The following SGK1 variants were observed in gnomAD, a reference collection of about 807,000 sequenced individuals.
SGK1 encodes serum/glucocorticoid regulated kinase 1.
A neutral mutation model predicts 64.2 loss-of-function variants in SGK1; 26 were observed. The observed-to-expected ratio is 0.40, with a 90% CI of 0.30 to 0.56. The LOEUF is 0.56. Ranked by LOEUF, SGK1 falls within the 20% of genes least tolerant of loss-of-function variation. The pLI is 0.38. For missense variants in SGK1, 519 were observed against 645.6 expected (o/e 0.80, Z 2.12); for synonymous variants, 265 against 239.7 (o/e 1.11, Z -0.98).
At chr6:134,185,442 T>C (rs1413842979) in intron 3 of SGK1, among the ~76,000 whole-genome samples, 2 of 152,132 alleles carry the variant, frequency 1.3e-5, no homozygotes, top group African/African-American at 4.8e-5. Context: ...TTTAAAGCCA[T>C]AGCAGAATGG....
chr6:134,208,716 T>C (rs1775832110), intron 2 of SGK1, among the ~76,000 whole-genome samples: 2 of 152,024 alleles, frequency 1.3e-5, no homozygotes, highest in South Asian at 4.1e-4. Flanking sequence ...TATTTTGTTC[T>C]TTTTTGGCTG....
At chr6:134,228,578 T>C (rs72972283) in intron 2 of SGK1, among the ~76,000 whole-genome samples, 5,768 of 152,292 alleles carry the variant, frequency 0.038, 139 homozygotes, top group African/African-American at 0.056. Context: ...AAGCCAATTT[T>C]TTGTGCCTTA....
At chr6:134,310,456 C>T (rs1777593106) in intron 1 of SGK1, among the ~76,000 whole-genome samples, 1 of 152,162 alleles carries the variant, frequency 6.6e-6, no homozygotes, top group Non-Finnish European at 1.5e-5. Flanking sequence ...GTCAAAGTGC[C>T]AAAGGCATCC....
chr6:134,213,859 A>G (rs966904008), intron 2 of SGK1, among the ~76,000 whole-genome samples: 1 of 152,076 alleles, frequency 6.6e-6, no homozygotes, highest in African/African-American at 2.4e-5. Flanking sequence ...ACGTGATATA[A>G]TAAGAACAGC....
intron 2 of SGK1, among the ~76,000 whole-genome samples, chr6:134,244,948 G>T (rs1373206956): frequency 6.6e-6 from 1 of 152,112 alleles, no homozygotes; most frequent in East Asian, 1.9e-4. Flanking sequence ...GCTAATTTTT[G>T]TATTTTTAGT....
At chr6:134,223,144 G>A (rs574218603) in intron 2 of SGK1, among the ~76,000 whole-genome samples, 191 of 152,118 alleles carry the variant, frequency 1.3e-3, no homozygotes, top group Non-Finnish European at 2.2e-3. Flanking sequence ...TGAGGTGGGC[G>A]GATCACCTGA....
At chr6:134,229,373 T>A (rs1776242002) in intron 2 of SGK1, among the ~76,000 whole-genome samples, 1 of 152,228 alleles carries the variant, frequency 6.6e-6, no homozygotes, top group Non-Finnish European at 1.5e-5. Flanking sequence ...AGAATAAGCC[T>A]GTAGCACCCA....
chr6:134,207,729 G>T (rs1196065425), intron 2 of SGK1, among the ~76,000 whole-genome samples: 1 of 152,198 alleles, frequency 6.6e-6, no homozygotes, highest in Non-Finnish European at 1.5e-5. Flanking sequence ...CCAGTGCTAT[G>T]TGCAGTGCAC....
chr6:134,219,820 G>A (rs1185123868), intron 2 of SGK1, among the ~76,000 whole-genome samples: 2 of 149,934 alleles, frequency 1.3e-5, no homozygotes, highest in African/African-American at 2.4e-5. Flanking sequence ...AGCACTTTGG[G>A]AGGCCGAGGC....
At chr6:134,307,678 T>A (rs1256269420) in intron 1 of SGK1, among the ~76,000 whole-genome samples, 2 of 152,252 alleles carry the variant, frequency 1.3e-5, no homozygotes, top group Non-Finnish European at 2.9e-5. Flanking sequence ...GGTATGTACG[T>A]GTTCAGTACA....
At chr6:134,265,920 G>T (rs866562267) in intron 1 of SGK1, among the ~76,000 whole-genome samples, 4 of 151,642 alleles carry the variant, frequency 2.6e-5, no homozygotes, top group Non-Finnish European at 5.9e-5. Flanking sequence ...TGGGATTACA[G>T]GCGTGAGCTA....
chr6:134,283,947 C>T (rs2114773286), intron 1 of SGK1, among the ~76,000 whole-genome samples: 1 of 130,208 alleles, frequency 7.7e-6, no homozygotes, highest in East Asian at 2.5e-4. Context: ...CAAAATAATG[C>T]ATTTTGGGTT....
intron 3 of SGK1, among the ~76,000 whole-genome samples, chr6:134,185,965 CCT>C (rs1230093945): frequency 6.6e-6 from 1 of 152,134 alleles, no homozygotes; most frequent in Non-Finnish European, 1.5e-5. Flanking sequence ...CCCACACCCC[CCT>C]GTCCCCGCAT....
At chr6:134,312,394 G>C (rs1304424352) in intron 1 of SGK1, among the ~76,000 whole-genome samples, 1 of 152,176 alleles carries the variant, frequency 6.6e-6, no homozygotes, top group Non-Finnish European at 1.5e-5. Context: ...AAGGGATGCT[G>C]TTTATGAAAT....
At chr6:134,241,588 A>G (rs1178935578) in intron 2 of SGK1, among the ~76,000 whole-genome samples, 2 of 151,834 alleles carry the variant, frequency 1.3e-5, no homozygotes, top group Non-Finnish European at 2.9e-5. Context: ...GTCTTCCTAG[A>G]TTGAAATCAC....
Position 134,170,467 on chromosome 6 carries a change from A to G in SGK1, c.1414-32T>C, listed in dbSNP as rs1774979330. On this transcript the variant is annotated intron_variant, in intron 13 of 13. Transcript: ENST00000367858. ...CGGGAAGGGAAAAACACTCTTGTCA[A>G]GAACTCACACTAGACACAGGACAGG... is the stretch of plus-strand genomic sequence containing the variant. 3.1e-6 allele frequency: 5 copies of G among 1,594,898 alleles called. No homozygotes were observed. In the East Asian group the frequency reaches 9.0e-5, roughly 29 times the overall value.
At chr6:134,228,860 T>TG (rs1776230609) in intron 2 of SGK1, among the ~76,000 whole-genome samples, 1 of 150,014 alleles carries the variant, frequency 6.7e-6, no homozygotes, top group Non-Finnish European at 1.5e-5. Context: ...TTTTTTTTTT[T>TG]TGAGACGGAG....
At chr6:134,274,336 G>A (rs1307649855) in intron 1 of SGK1, among the ~76,000 whole-genome samples, 2 of 152,054 alleles carry the variant, frequency 1.3e-5, no homozygotes, top group South Asian at 2.1e-4. Flanking sequence ...TATGAAGGAC[G>A]GATTTAAGAT....
chr6:134,204,768 G>A (rs1430302563), intron 3 of SGK1, among the ~76,000 whole-genome samples: 2 of 151,954 alleles, frequency 1.3e-5, no homozygotes, highest in Non-Finnish European at 2.9e-5. Context: ...TGGCCAGGCT[G>A]GTCTCTAACT....
Sources: gnomAD v4.1 joint callset for allele counts (sites outside exome capture counted in the v4.1 genomes callset) on GRCh38, gnomAD v4.1.1 for gene constraint, MANE v1.5 for transcripts, NCBI Gene and HGNC (gene_info 2026-07-23, HGNC 2026-07-21) for gene names.